DIP2B: variants seen among roughly 807,000 people sequenced by gnomAD.
DIP2B encodes disco-interacting protein 2 homolog B.
In DIP2B, 76 loss-of-function variants were observed where a neutral mutation model predicts 198.0. That is an observed-to-expected ratio of 0.38 (90% CI 0.32 to 0.46). The LOEUF (loss-of-function observed/expected upper bound fraction) is 0.46, where lower values mean the gene tolerates loss of function less well. DIP2B is among the 20% of genes least tolerant of loss of function. The probability of loss-of-function intolerance (pLI) is 0.99; values close to 1 mark genes in which losing one functional copy is unlikely to be tolerated. For synonymous variants in DIP2B, 701 were observed against 739.1 expected, an observed-to-expected ratio of 0.95 and a Z score of 0.84; for missense variants, 1,559 against 1,978.4, an observed-to-expected ratio of 0.79 and a Z score of 4.02.
At chr12:50,629,648 T>C (rs534975094) in intron 2 of DIP2B, among the ~76,000 whole-genome samples, 1 of 152,314 alleles carries the variant, frequency 6.6e-6, no homozygotes, top group East Asian at 1.9e-4. Flanking sequence ...TCTCCACTTA[T>C]ATACCTTAAA....
At chr12:50,528,111 G>A (rs1958183995) in intron 1 of DIP2B, among the ~76,000 whole-genome samples, 1 of 151,872 alleles carries the variant, frequency 6.6e-6, no homozygotes, top group African/African-American at 2.4e-5. Context: ...ATTTTTTGTG[G>A]AGATGGACTT....
chr12:50,697,242 C>A, intron 17 of DIP2B, 67 bp downstream of exon 17: 2 of 1,370,618 alleles, frequency 1.5e-6, no homozygotes, highest in Non-Finnish European at 1.0e-6. Flanking sequence ...CAGTATTTAC[C>A]AGGTGATGAC....
At position 50,714,479 on chromosome 12, in the gene DIP2B, A is replaced by G; in HGVS notation, c.2734A>G (p.Ile912Val). ...NTLPKTPLGG[I>V]HISQTKQLFL... ...ATTGCCAAAAACTCCACTAGGAGGA[A>G]TCCATATATCTCAGACGAAACAACT... The change falls in exon 23 of 38, where the codon ATC becomes GTC. Residue 912 changes from isoleucine (I) to valine (V), a missense_variant. Transcript: ENST00000301180. 6.2e-7 allele frequency: 1 copy of G among 1,614,212 alleles called. No homozygotes were observed. The highest frequency in any genetic ancestry group is 8.5e-7 in the Non-Finnish European group (1 of 1,180,040).
At chr12:50,670,778 A>G (rs1040808976) in intron 4 of DIP2B, among the ~76,000 whole-genome samples, 12 of 152,198 alleles carry the variant, frequency 7.9e-5, no homozygotes, top group Non-Finnish European at 1.3e-4. Context: ...TCATTTCCTT[A>G]GAGACTAATA....
At position 50,609,405 on chromosome 12, in the gene DIP2B, A is replaced by T. The variant is rs1478781464; in HGVS notation, c.101-16571A>T. Among the ~76,000 whole-genome samples, 10 of 152,226 alleles carry T rather than the reference A, an allele frequency of 6.6e-5. 1 individual carries two copies. Among genetic ancestry groups the T allele is most frequent in the Admixed American group, 5.2e-4 (8 of 15,288 alleles). On this transcript the variant is annotated intron_variant, in intron 1 of 37. Transcript: ENST00000301180. ...TAAAACAAGATAGAAGTTTATTTCT[A>T]GGTCATGCCATGGTCTCAACTAGTA...
intron 9 of DIP2B, among the ~76,000 whole-genome samples, chr12:50,682,357 G>A (rs1211558576): frequency 6.6e-6 from 1 of 152,168 alleles, no homozygotes; most frequent in Non-Finnish European, 1.5e-5. Flanking sequence ...CGGGTGGGGT[G>A]GCTCACGCCT....
chr12:50,575,481 C>A (rs1958651236), intron 1 of DIP2B, among the ~76,000 whole-genome samples: 1 of 151,780 alleles, frequency 6.6e-6, no homozygotes, highest in African/African-American at 2.4e-5. Flanking sequence ...TTCCCAGGCT[C>A]AAGCCATCCT....
At chr12:50,571,548 G>GTGT (rs1958614024) in intron 1 of DIP2B, among the ~76,000 whole-genome samples, 1 of 85,776 alleles carries the variant, frequency 1.2e-5, no homozygotes, top group African/African-American at 5.0e-5. Context: ...AAACCTAGGC[G>GTGT]TTTTTTTTTT....
At chr12:50,631,100 C>G (rs1013320906) in intron 2 of DIP2B, among the ~76,000 whole-genome samples, 1 of 152,082 alleles carries the variant, frequency 6.6e-6, no homozygotes, top group Non-Finnish European at 1.5e-5. Flanking sequence ...CTGCCTCACT[C>G]TTTCTCCGGT....
At chr12:50,533,864 A>G (rs1432411283) in intron 1 of DIP2B, among the ~76,000 whole-genome samples, 1 of 152,262 alleles carries the variant, frequency 6.6e-6, no homozygotes, top group Non-Finnish European at 1.5e-5. Context: ...TGCTGGGATT[A>G]TAGGAGTGAG....
At chr12:50,508,798 C>T (rs566524824) in intron 1 of DIP2B, among the ~76,000 whole-genome samples, 2 of 152,040 alleles carry the variant, frequency 1.3e-5, no homozygotes, top group Non-Finnish European at 1.5e-5. Flanking sequence ...CTCTGCCTCC[C>T]GGGTTCAGGT....
At chr12:50,720,193 G>A (rs1939808895) in intron 25 of DIP2B, among the ~76,000 whole-genome samples, 1 of 152,000 alleles carries the variant, frequency 6.6e-6, no homozygotes, top group Non-Finnish European at 1.5e-5. Context: ...CTCCCAAAGT[G>A]CTAGGATTAT....
intron 2 of DIP2B, among the ~76,000 whole-genome samples, chr12:50,639,664 G>C (rs913450227): frequency 3.3e-5 from 5 of 151,504 alleles, no homozygotes; most frequent in Admixed American, 3.3e-4. Context: ...TACATTTGCT[G>C]TGTAGGTGAC....
chr12:50,714,168 G>A (rs920680016), intron 22 of DIP2B, among the ~76,000 whole-genome samples: 1 of 152,154 alleles, frequency 6.6e-6, no homozygotes, highest in Admixed American at 6.5e-5. Context: ...CATTTAGATT[G>A]TATCTTACCT....
intron 16 of DIP2B, 51 bp downstream of exon 16, chr12:50,696,018 T>A (rs771561585): frequency 1.2e-6 from 2 of 1,611,032 alleles, no homozygotes; most frequent in East Asian, 2.2e-5. Flanking sequence ...TTTGATAGAT[T>A]AGGGTTTTTC....
In DIP2B at chr12:50,649,232, G is replaced by A. The variant is rs1017618526; in HGVS notation, c.301+8380G>A. 1.8e-4 allele frequency among the ~76,000 whole-genome samples: 27 copies of A among 152,296 alleles called. 1 individual carries two copies. Among genetic ancestry groups the A allele is most frequent in the South Asian group, 8.3e-4 (4 of 4,828 alleles). On this transcript the variant is annotated intron_variant, in intron 3 of 37. Transcript: ENST00000301180. ...AAAAGCTATCAAATTTATTTATAGA[G>A]TTAGAAAACTCATTTTTGAAGTTCA...
chr12:50,642,743 C>T (rs534001653), intron 3 of DIP2B, among the ~76,000 whole-genome samples: 3 of 152,212 alleles, frequency 2.0e-5, no homozygotes, highest in Admixed American at 6.5e-5. Context: ...GAGCCGAGAT[C>T]GTGCCACTGC....
Position 50,685,970 on chromosome 12 carries a change from T to TACTA in DIP2B, c.1441+16_1441+17insTAAC, listed in dbSNP as rs1230289441. On this transcript the variant is annotated intron_variant, in intron 11 of 37. Transcript: ENST00000301180. ...TACAGTTTAAAGGTTAGTAACATTG[T>TACTA]ACCTGAATTATCAGTTAAAAGTTAA... 6.2e-7 allele frequency: 1 copy of TACTA among 1,606,606 alleles called. No homozygotes were observed. Among genetic ancestry groups the TACTA allele is most frequent in the African/African-American group, 1.3e-5 (1 of 74,744 alleles).
In DIP2B at chr12:50,744,958, A is replaced by G. The variant is rs969856262; in HGVS notation, c.*119A>G. ...CTGAGATGGCTACATGATATTCTTC[A>G]TCTCATCCTGTGGGATTCTGCAATC... On this transcript the variant is annotated 3_prime_UTR_variant, in exon 38 of 38. Transcript: ENST00000301180. The G allele has an allele frequency of 4.8e-6, 6 of 1,240,522 alleles. No individual in the cohort carries two copies. The highest frequency in any genetic ancestry group is 4.8e-5 in the Admixed American group (2 of 41,644). The allele number at this position is 1,240,522 out of a possible 1,614,324, so 76.8% of individuals were successfully genotyped here.
Sources: allele counts gnomAD v4.1 joint callset (sites outside exome capture counted in the v4.1 genomes callset), GRCh38; gene constraint gnomAD v4.1.1; transcripts MANE v1.5; gene names NCBI Gene and HGNC (gene_info 2026-07-23, HGNC 2026-07-21).